The following PTPRD variants were observed in gnomAD, a reference collection of about 807,000 sequenced individuals.
PTPRD encodes the protein protein tyrosine phosphatase receptor type D, also known as receptor-type tyrosine-protein phosphatase delta.
In PTPRD, 34 loss-of-function variants were observed where a neutral mutation model predicts 214.5. The ratio of observed to expected loss-of-function variants is 0.16; its 90% CI spans 0.12 to 0.21. PTPRD has a LOEUF of 0.21. PTPRD is among the 10% of genes least tolerant of loss of function. The pLI, the probability that PTPRD is intolerant of heterozygous loss-of-function variation, is 1.00. For synonymous variants in PTPRD, 1,128 were observed against 845.7 expected, an observed-to-expected ratio of 1.33 and a Z score of -5.79; for missense variants, 2,545 against 2,398.7, an observed-to-expected ratio of 1.06 and a Z score of -1.27.
At chr9:8,605,377 G>T (rs568837002) in intron 14 of PTPRD, among the ~76,000 whole-genome samples, 1 of 152,018 alleles carries the variant, frequency 6.6e-6, no homozygotes, top group African/African-American at 2.4e-5. Context: ...TCATTCAACC[G>T]AACTAGAGAA....
intron 2 of PTPRD, among the ~76,000 whole-genome samples, chr9:10,361,163 A>T (rs559787562): frequency 6.6e-6 from 1 of 152,208 alleles, no homozygotes; most frequent in African/African-American, 2.4e-5. Flanking sequence ...AAAGTCAAAA[A>T]GTATTGAGAA....
chr9:10,212,479 C>T (rs949709012), intron 3 of PTPRD, among the ~76,000 whole-genome samples: 3 of 152,044 alleles, frequency 2.0e-5, no homozygotes, highest in Admixed American at 6.6e-5. Context: ...CAATTGATTG[C>T]ATTATTCATT....
At chr9:8,988,600 C>T (rs1404565854) in intron 11 of PTPRD, among the ~76,000 whole-genome samples, 2 of 151,906 alleles carry the variant, frequency 1.3e-5, no homozygotes, top group Non-Finnish European at 2.9e-5. Flanking sequence ...GCTTTATTTC[C>T]AAAAAGAAAT....
chr9:10,321,700 G>A (rs755516771), intron 3 of PTPRD, among the ~76,000 whole-genome samples: 5 of 151,932 alleles, frequency 3.3e-5, no homozygotes, highest in Non-Finnish European at 5.9e-5. Flanking sequence ...ACAATGGTGG[G>A]ATGATATTTA....
At chr9:10,505,730 G>C (rs774727752) in intron 2 of PTPRD, among the ~76,000 whole-genome samples, 1 of 151,742 alleles carries the variant, frequency 6.6e-6, no homozygotes, top group Non-Finnish European at 1.5e-5. Flanking sequence ...ATAGTTCCAT[G>C]TTATCAAAGA....
At chr9:10,129,362 T>A (rs1338452073) in intron 3 of PTPRD, among the ~76,000 whole-genome samples, 1 of 152,168 alleles carries the variant, frequency 6.6e-6, no homozygotes, top group African/African-American at 2.4e-5. Context: ...AGATCCCTAG[T>A]GGCCTCTTAA....
intron 6 of PTPRD, among the ~76,000 whole-genome samples, chr9:9,741,923 C>G (rs571581316): frequency 6.6e-6 from 1 of 152,114 alleles, no homozygotes; most frequent in Non-Finnish European, 1.5e-5. Context: ...CATACATGAG[C>G]ATGTGTCTTT....
At chr9:10,450,429 G>T (rs78618236) in intron 2 of PTPRD, among the ~76,000 whole-genome samples, 1,840 of 151,830 alleles carry the variant, frequency 0.012, 67 homozygotes, top group African/African-American at 0.04. Context: ...ATTATTTAAG[G>T]CATGCTATTT....
At chr9:9,382,512 C>A (rs1223954654) in intron 9 of PTPRD, among the ~76,000 whole-genome samples, 5 of 151,986 alleles carry the variant, frequency 3.3e-5, no homozygotes, top group South Asian at 4.1e-4. Context: ...AGAAACTGGG[C>A]AAAGGGCTTG....
intron 3 of PTPRD, among the ~76,000 whole-genome samples, chr9:10,169,120 C>T (rs1001542661): frequency 6.6e-6 from 1 of 152,106 alleles, no homozygotes; most frequent in African/African-American, 2.4e-5. Context: ...TAGTTAACCC[C>T]TTACTCCCAT....
At chr9:10,090,100 C>T (rs143018137) in intron 3 of PTPRD, among the ~76,000 whole-genome samples, 180 of 151,726 alleles carry the variant, frequency 1.2e-3, no homozygotes, top group Non-Finnish European at 2.1e-3. Flanking sequence ...ATACTTCTCA[C>T]TAAAACTAAG....
intron 7 of PTPRD, among the ~76,000 whole-genome samples, chr9:9,631,311 T>C (rs1246833501): frequency 2.0e-5 from 3 of 151,898 alleles, no homozygotes; most frequent in Non-Finnish European, 2.9e-5. Flanking sequence ...ATTCTACAAA[T>C]TGTGAAAATA....
chr9:9,949,846 G>C (rs2093258686), intron 4 of PTPRD, among the ~76,000 whole-genome samples: 1 of 152,108 alleles, frequency 6.6e-6, no homozygotes, highest in Non-Finnish European at 1.5e-5. Flanking sequence ...TCAAAATAAA[G>C]GAAATTGAAT....
At chr9:9,291,150 T>A (rs1179859131) in intron 9 of PTPRD, among the ~76,000 whole-genome samples, 3 of 151,512 alleles carry the variant, frequency 2.0e-5, no homozygotes, top group Admixed American at 1.3e-4. Flanking sequence ...ATAACATTTC[T>A]GAGGCATATG....
At chr9:8,711,596 C>G (rs1450427914) in intron 12 of PTPRD, among the ~76,000 whole-genome samples, 1 of 152,128 alleles carries the variant, frequency 6.6e-6, no homozygotes, top group Non-Finnish European at 1.5e-5. Context: ...AGCAATAATT[C>G]TCAGCCTGAT....
At chr9:8,497,912 A>G (rs1242051876) in intron 25 of PTPRD, among the ~76,000 whole-genome samples, 1 of 152,240 alleles carries the variant, frequency 6.6e-6, no homozygotes, top group Non-Finnish European at 1.5e-5. Context: ...GGAGAACACC[A>G]AAGCACACTG....
intron 8 of PTPRD, among the ~76,000 whole-genome samples, chr9:9,501,934 G>C (rs539818449): frequency 6.6e-6 from 1 of 151,868 alleles, no homozygotes; most frequent in East Asian, 1.9e-4. Flanking sequence ...ATACTTTGGA[G>C]GGAACTTTAG....
intron 2 of PTPRD, among the ~76,000 whole-genome samples, chr9:10,554,751 C>A (rs895570483): frequency 1.4e-4 from 21 of 152,080 alleles, no homozygotes; most frequent in African/African-American, 4.8e-4. Context: ...AGCTCCGCCT[C>A]CCGGCTTCAC....
intron 6 of PTPRD, among the ~76,000 whole-genome samples, chr9:9,743,395 C>G (rs1197450388): frequency 6.6e-6 from 1 of 152,062 alleles, no homozygotes; most frequent in Admixed American, 6.6e-5. Context: ...AACAGAAGAT[C>G]TTAATGCCTA....
Sources: gnomAD v4.1 joint callset for allele counts (sites outside exome capture counted in the v4.1 genomes callset) on GRCh38, gnomAD v4.1.1 for gene constraint, MANE v1.5 for transcripts, NCBI Gene and HGNC (gene_info 2026-07-23, HGNC 2026-07-21) for gene names.